The following RBFOX1 variants were observed in gnomAD, a reference collection of about 807,000 sequenced individuals.
The protein encoded by RBFOX1 is RNA binding fox-1 homolog 1, also known as RNA binding protein fox-1 homolog 1.
Under a neutral mutation model 57.7 loss-of-function variants are expected in RBFOX1, and 8 were observed. The observed-to-expected ratio is 0.14, with a 90% CI of 0.08 to 0.25. RBFOX1 has a LOEUF of 0.25. Ranked by LOEUF, RBFOX1 falls within the 10% of genes least tolerant of loss-of-function variation. The pLI, the probability that RBFOX1 is intolerant of heterozygous loss-of-function variation, is 1.00. For missense variants in RBFOX1, 611 were observed against 548.5 expected, an observed-to-expected ratio of 1.11 and a Z score of -1.14; for synonymous variants, 326 against 222.4, an observed-to-expected ratio of 1.47 and a Z score of -4.15.
At chr16:6,731,175 A>G (rs8055852) in intron 3 of RBFOX1, among the ~76,000 whole-genome samples, 1 of 152,178 alleles carries the variant, frequency 6.6e-6, no homozygotes, top group African/African-American at 2.4e-5. Context: ...ATTATCTAAG[A>G]TGCAAAAATA....
chr16:6,861,274 C>T (rs2058942430), intron 3 of RBFOX1, among the ~76,000 whole-genome samples: 1 of 152,068 alleles, frequency 6.6e-6, no homozygotes, highest in African/African-American at 2.4e-5. Context: ...ATAGTCTTTG[C>T]AAAAGGGTTT....
chr16:5,714,982 T>G (rs1257910305), intron 3 of RBFOX1, among the ~76,000 whole-genome samples: 1 of 152,206 alleles, frequency 6.6e-6, no homozygotes, highest in African/African-American at 2.4e-5. Context: ...TTGAGTTGAA[T>G]AAACCCGAAG....
intron 5 of RBFOX1, among the ~76,000 whole-genome samples, chr16:7,561,084 T>C (rs180712378): frequency 6.6e-6 from 1 of 152,296 alleles, no homozygotes; most frequent in East Asian, 1.9e-4. Context: ...AAATGTTCTT[T>C]ATACAAGCAG....
At chr16:5,382,342 T>G (rs1178634621) in intron 1 of RBFOX1, among the ~76,000 whole-genome samples, 2 of 152,338 alleles carry the variant, frequency 1.3e-5, no homozygotes, top group Non-Finnish European at 1.5e-5. Flanking sequence ...GCTGATATTA[T>G]GTATTACCAC....
intron 2 of RBFOX1, among the ~76,000 whole-genome samples, chr16:6,619,903 T>C (rs1567913067): frequency 6.6e-6 from 1 of 152,098 alleles, no homozygotes; most frequent in Non-Finnish European, 1.5e-5. Context: ...TGTTCCCCTC[T>C]GTGTGTCCAC....
At position 5,301,677 on chromosome 16, in the gene RBFOX1, T is replaced by C. The variant is rs905720185; in HGVS notation, c.219+61572T>C. Among the ~76,000 whole-genome samples, 4 of 148,584 alleles carry C rather than the reference T, an allele frequency of 2.7e-5. No individual in the cohort carries two copies. The South Asian group carries it at 6.5e-4, about 24-fold the overall frequency. On this transcript the variant is annotated intron_variant, in intron 1 of 2. Transcript: ENST00000585867. ...AAAACTGAGCTTGGATACACAGAGC[T>C]CCATCTCCTTAGCAAATCCTTGAGA... is the stretch of plus-strand genomic sequence containing the variant.
chr16:5,770,211 G>C (rs930965069), intron 3 of RBFOX1, among the ~76,000 whole-genome samples: 4 of 151,558 alleles, frequency 2.6e-5, no homozygotes, highest in African/African-American at 9.7e-5. Context: ...ACTGTTTTCA[G>C]AACACCAGTC....
rs570630056 is a variant in RBFOX1, at chr16:6,559,841, C to T, written c.-63-94762C>T. ...GACAAACTGAAGTTGTTCCCTGAAG[C>T]TCCCTTATCTGCCTAAAGTCTGGAC... is the stretch of plus-strand genomic sequence containing the variant. On this transcript the variant is annotated intron_variant, in intron 2 of 15. Coordinates refer to ENST00000550418, the MANE Select transcript of RBFOX1 (RefSeq NM_018723.4). 3.9e-5 allele frequency among the ~76,000 whole-genome samples: 6 copies of T among 152,260 alleles called. No homozygotes were observed. The South Asian group carries it at 8.3e-4, about 21-fold the overall frequency.
At chr16:7,165,398 A>AATAATAATAATAATG (rs1601602589) in intron 4 of RBFOX1, among the ~76,000 whole-genome samples, 2 of 147,366 alleles carry the variant, frequency 1.4e-5, no homozygotes, top group East Asian at 4.0e-4. Context: ...TAATAATAAT[A>AATAATAATAATAATG]ATAATAATAA....
intron 1 of RBFOX1, among the ~76,000 whole-genome samples, chr16:5,441,882 T>C (rs1597082049): frequency 6.6e-6 from 1 of 152,162 alleles, no homozygotes; most frequent in Non-Finnish European, 1.5e-5. Flanking sequence ...ACTGACACCA[T>C]GATTCAGTAA....
intron 3 of RBFOX1, among the ~76,000 whole-genome samples, chr16:7,013,436 G>T (rs1388128460): frequency 6.6e-6 from 1 of 152,144 alleles, no homozygotes; most frequent in African/African-American, 2.4e-5. Flanking sequence ...TGGTTGCTAC[G>T]ACTGGGAAGA....
intron 5 of RBFOX1, among the ~76,000 whole-genome samples, chr16:7,571,376 C>T (rs1200333407): frequency 6.6e-6 from 1 of 152,156 alleles, no homozygotes; most frequent in Non-Finnish European, 1.5e-5. Context: ...TATGCATTTT[C>T]TCTCCAACAG....
At chr16:6,787,048 A>C (rs62016109) in intron 3 of RBFOX1, among the ~76,000 whole-genome samples, 22,446 of 152,072 alleles carry the variant, frequency 0.15, 2,303 homozygotes, top group African/African-American at 0.29. Context: ...ACATTAGTTG[A>C]TTTGAATTTT....
chr16:5,327,698 C>T (rs755203860), intron 1 of RBFOX1, among the ~76,000 whole-genome samples: 8 of 152,188 alleles, frequency 5.3e-5, no homozygotes, highest in Non-Finnish European at 8.8e-5. Context: ...TCCCCCTCCC[C>T]GATTCCCTGG....
intron 3 of RBFOX1, among the ~76,000 whole-genome samples, chr16:5,737,263 C>A (rs2052610827): frequency 6.6e-6 from 1 of 152,068 alleles, no homozygotes; most frequent in African/African-American, 2.4e-5. Context: ...GCAGGTGAAT[C>A]ACTTGAGGTT....
chr16:6,087,166 T>C (rs935739738), intron 1 of RBFOX1, among the ~76,000 whole-genome samples: 1 of 152,206 alleles, frequency 6.6e-6, no homozygotes. Flanking sequence ...AGATTCATTC[T>C]CACTAGGTAT....
intron 4 of RBFOX1, among the ~76,000 whole-genome samples, chr16:7,365,171 G>C (rs1415644996): frequency 1.3e-5 from 2 of 152,140 alleles, no homozygotes; most frequent in East Asian, 1.9e-4. Context: ...GATCATGGGA[G>C]ACTTTTTCTT....
At chr16:5,944,524 C>G (rs7196781) in intron 4 of RBFOX1, among the ~76,000 whole-genome samples, 15,862 of 151,924 alleles carry the variant, frequency 0.1, 2,542 homozygotes, top group African/African-American at 0.34. Flanking sequence ...TAAGCTACAT[C>G]TGGCTGCAAA....
Position 7,256,910 on chromosome 16 carries a change from A to G in RBFOX1, c.27+204812A>G, listed in dbSNP as rs117359171. 4.1e-3 allele frequency among the ~76,000 whole-genome samples: 619 copies of G among 152,176 alleles called. 4 individuals carry two copies. The highest frequency in any genetic ancestry group is 6.4e-3 in the South Asian group (31 of 4,814). ...TCCATCACACCCGGGAAACCTACCCAAGTCTCTCTCCCTGACCACATGGGA... is the reference window on the plus strand; with the variant it reads ...TCCATCACACCCGGGAAACCTACCCGAGTCTCTCTCCCTGACCACATGGGA... On this transcript the variant is annotated intron_variant, in intron 4 of 15. Coordinates refer to ENST00000550418, the MANE Select transcript of RBFOX1 (RefSeq NM_018723.4).
Sources: allele counts gnomAD v4.1 joint callset (sites outside exome capture counted in the v4.1 genomes callset), GRCh38; gene constraint gnomAD v4.1.1; transcripts MANE v1.5; gene names NCBI Gene and HGNC (gene_info 2026-07-23, HGNC 2026-07-21).